Variants in FER observed in about 807,000 individuals in gnomAD.
FER encodes FER tyrosine kinase.
Under a neutral mutation model 111.0 loss-of-function variants are expected in FER, and 63 were observed. The observed-to-expected ratio is 0.57, with a 90% CI of 0.46 to 0.70. The LOEUF is 0.70. Ranked by LOEUF, FER falls within the 30% of genes least tolerant of loss-of-function variation. The pLI, the probability that FER is intolerant of heterozygous loss-of-function variation, is 0.00. For missense variants in FER, 914 were observed against 954.0 expected, an observed-to-expected ratio of 0.96 and a Z score of 0.55; for synonymous variants, 327 against 313.9, an observed-to-expected ratio of 1.04 and a Z score of -0.44.
intron 13 of FER, among the ~76,000 whole-genome samples, chr5:109,003,238 C>G (rs1765042247): frequency 6.6e-6 from 1 of 152,300 alleles, no homozygotes; most frequent in South Asian, 2.1e-4. Context: ...CAATGATAGA[C>G]TGGATTAAGA....
At chr5:109,097,841 A>G (rs1023998513) in intron 16 of FER, among the ~76,000 whole-genome samples, 5 of 151,750 alleles carry the variant, frequency 3.3e-5, no homozygotes, top group Non-Finnish European at 5.9e-5. Flanking sequence ...GCTTTCAATA[A>G]TGATTCATAA....
At chr5:108,863,605 T>A (rs1412719794) in intron 5 of FER, among the ~76,000 whole-genome samples, 3 of 152,202 alleles carry the variant, frequency 2.0e-5, no homozygotes, top group Non-Finnish European at 4.4e-5. Flanking sequence ...GAAGTTATTT[T>A]ATTAATTGCT....
intron 2 of FER, among the ~76,000 whole-genome samples, chr5:108,779,266 T>C (rs1298810397): frequency 6.6e-6 from 1 of 152,144 alleles, no homozygotes; most frequent in Non-Finnish European, 1.5e-5. Flanking sequence ...ATTCTTTTCC[T>C]TTAATGCTGT....
At chr5:109,068,914 A>T (rs1032900983) in intron 16 of FER, among the ~76,000 whole-genome samples, 3 of 152,236 alleles carry the variant, frequency 2.0e-5, no homozygotes, top group African/African-American at 7.2e-5. Flanking sequence ...ATTTCAGAAT[A>T]AATGATATCC....
At chr5:109,093,941 T>G (rs1412742581) in intron 16 of FER, among the ~76,000 whole-genome samples, 1 of 152,152 alleles carries the variant, frequency 6.6e-6, no homozygotes, top group Non-Finnish European at 1.5e-5. Flanking sequence ...ACACTGTCTA[T>G]CAGAGGCAAC....
At chr5:108,791,567 A>ATATATATGATATATATATATACT (rs1428354044) in intron 2 of FER, among the ~76,000 whole-genome samples, 80 of 135,404 alleles carry the variant, frequency 5.9e-4, no homozygotes, top group African/African-American at 1.8e-3. Context: ...GTGTATATAC[A>ATATATATGATATATATATATACT]TATATATGAT....
intron 13 of FER, among the ~76,000 whole-genome samples, chr5:109,034,802 G>T (rs1212751183): frequency 6.6e-6 from 1 of 151,976 alleles, no homozygotes; most frequent in Non-Finnish European, 1.5e-5. Flanking sequence ...GAATCAGTTT[G>T]CAACTTTAAA....
intron 17 of FER, among the ~76,000 whole-genome samples, chr5:109,156,188 C>A (rs2126714541): frequency 6.6e-6 from 1 of 152,048 alleles, no homozygotes; most frequent in East Asian, 1.9e-4. Context: ...ATACCAGAGA[C>A]AAGCCAGGAG....
At chr5:109,065,599 TA>T (rs1774995364) in intron 16 of FER, among the ~76,000 whole-genome samples, 1 of 152,174 alleles carries the variant, frequency 6.6e-6, no homozygotes, top group Non-Finnish European at 1.5e-5. Flanking sequence ...GCTCATCCCG[TA>T]ATCCTAGCAC....
intron 17 of FER, among the ~76,000 whole-genome samples, chr5:109,141,700 C>T (rs767443041): frequency 2.2e-4 from 33 of 152,114 alleles, no homozygotes; most frequent in Non-Finnish European, 4.4e-4. Flanking sequence ...AAGCTACTTC[C>T]TAGAAGTAAC....
intron 3 of FER, among the ~76,000 whole-genome samples, chr5:108,802,865 G>A (rs1205256331): frequency 2.0e-5 from 3 of 152,148 alleles, no homozygotes; most frequent in Admixed American, 6.5e-5. Flanking sequence ...CCCACTAATG[G>A]GACTGCTAGG....
In FER at chr5:108,977,546, C is replaced by T. The variant is rs376991066; in HGVS notation, c.1656+18199C>T. ...GGTCAACTGTATAATAATATAGAAC[C>T]TCAAACTCAGCATTTATAAGCATGA... On this transcript the variant is annotated intron_variant, in intron 13 of 19. Transcript: ENST00000281092. Among the ~76,000 whole-genome samples the T allele has an allele frequency of 1.8e-4, 27 of 152,204 alleles. No individual in the cohort carries two copies. The South Asian group carries it at 5.0e-3, about 28-fold the overall frequency.
At chr5:109,178,005 T>C (rs1459097961) in intron 17 of FER, among the ~76,000 whole-genome samples, 1 of 152,146 alleles carries the variant, frequency 6.6e-6, no homozygotes, top group Non-Finnish European at 1.5e-5. Context: ...GACTCAGAAC[T>C]GGGCAATAGT....
intron 16 of FER, among the ~76,000 whole-genome samples, chr5:109,083,766 CAG>C (rs1252472981): frequency 3.3e-5 from 5 of 151,908 alleles, no homozygotes; most frequent in Non-Finnish European, 5.9e-5. Flanking sequence ...CCCTGTATGA[CAG>C]AGAGTAGGCT....
intron 13 of FER, among the ~76,000 whole-genome samples, chr5:108,967,765 A>G (rs956588839): frequency 1.3e-5 from 2 of 150,518 alleles, no homozygotes; most frequent in Admixed American, 6.6e-5. Flanking sequence ...GTCTCAAAAA[A>G]AAAAAAAAAA....
chr5:109,158,954 T>C (rs1364416812), intron 17 of FER, among the ~76,000 whole-genome samples: 2 of 152,158 alleles, frequency 1.3e-5, no homozygotes, highest in Non-Finnish European at 2.9e-5. Context: ...TAATTTTAAA[T>C]TCAGTCATTA....
At chr5:108,939,797 C>A (rs1051940895) in intron 10 of FER, among the ~76,000 whole-genome samples, 3 of 151,814 alleles carry the variant, frequency 2.0e-5, no homozygotes, top group Non-Finnish European at 4.4e-5. Flanking sequence ...TAAATAAAAT[C>A]TTGACTGAGG....
intron 10 of FER, among the ~76,000 whole-genome samples, chr5:108,937,275 A>G (rs897335909): frequency 3.3e-5 from 5 of 151,954 alleles, no homozygotes; most frequent in Non-Finnish European, 7.4e-5. Context: ...CTTGTATAAC[A>G]GAGGTAGTAG....
At chr5:109,117,319 A>C (rs560269987) in intron 17 of FER, among the ~76,000 whole-genome samples, 1 of 152,196 alleles carries the variant, frequency 6.6e-6, no homozygotes, top group African/African-American at 2.4e-5. Flanking sequence ...CAGAACAATA[A>C]TTCATGTGTT....
Sources: gnomAD v4.1 joint callset for allele counts (sites outside exome capture counted in the v4.1 genomes callset) on GRCh38, gnomAD v4.1.1 for gene constraint, MANE v1.5 for transcripts, NCBI Gene and HGNC (gene_info 2026-07-23, HGNC 2026-07-21) for gene names.